Variants in DHX30 observed in about 807,000 individuals in gnomAD.
DHX30 encodes the protein DExH-box helicase 30.
A neutral mutation model predicts 116.9 loss-of-function variants in DHX30; 4 were observed. The ratio of observed to expected loss-of-function variants is 0.03; its 90% CI spans 0.02 to 0.08. The LOEUF is 0.08. Ranked by LOEUF, DHX30 falls within the 10% of genes least tolerant of loss-of-function variation. The pLI is 1.00. For synonymous variants in DHX30, 697 were observed against 651.7 expected, an observed-to-expected ratio of 1.07 and a Z score of -1.06; for missense variants, 871 against 1,595.1, an observed-to-expected ratio of 0.55 and a Z score of 7.73.
At chr3:47,849,593 T>C (rs757651975) in intron 20 of DHX30, 37 bp from the exon 21 acceptor site, 1 of 1,613,988 alleles carries the variant, frequency 6.2e-7, no homozygotes, top group South Asian at 1.1e-5. Context: ...GCTGGGATGG[T>C]CCAAAAGGGT....
intron 5 of DHX30, among the ~76,000 whole-genome samples, chr3:47,827,893 C>T (rs920876608): frequency 3.3e-5 from 5 of 152,068 alleles, no homozygotes; most frequent in Non-Finnish European, 5.9e-5. Context: ...CAGAGTCTCT[C>T]TGTCACCCAG....
At chr3:47,812,638 CCTT>C (rs2035852135) in intron 3 of DHX30, among the ~76,000 whole-genome samples, 1 of 151,474 alleles carries the variant, frequency 6.6e-6, no homozygotes, top group Admixed American at 6.6e-5. Context: ...ATTCTGTGAC[CCTT>C]CAACAGCAGA....
Position 47,848,636 on chromosome 3 carries a change from A to G in DHX30, c.2588A>G (p.Gln863Arg). The G allele has an allele frequency of 1.2e-6, 2 of 1,614,050 alleles. No homozygotes were observed. The highest frequency in any genetic ancestry group is 1.7e-6 in the Non-Finnish European group (2 of 1,179,970). The change falls in exon 17 of 22, where the codon CAG (glutamine) becomes CGG (arginine). Residue 863 changes from glutamine (Q) to arginine (R), a missense_variant. Around this residue, in one of 13 missense-constraint regions of DHX30, gnomAD observed 238 missense variants for 481.0 expected, o/e 0.49. Transcript: ENST00000445061. This position sits in a 1 kb window ranked among gnomAD's most constrained non-coding sequence, Gnocchi z 9.4. ...TGAGCCGTTGCAGGGGTGCTGGACC[A>G]GCGGGAGTACCTGACTACCCTGGGG... ...ILLQEIGVLD[Q>R]REYLTTLGQR...
chr3:47,841,136 C>T lies in DHX30; in HGVS notation c.626C>T (p.Ser209Phe). 6.2e-7 allele frequency: 1 copy of T among 1,614,176 alleles called. No homozygotes were observed. The highest frequency in any genetic ancestry group is 8.5e-7 in the Non-Finnish European group (1 of 1,180,020). The change falls in exon 7 of 22, where the codon TCC becomes TTC. Residue 209 changes from serine (S) to phenylalanine (F), a missense_variant. Ser to Phe is a radical substitution (Grantham distance 155). Transcript: ENST00000445061. ...ACCATAGATGTTACCGACTTCTTGT[C>T]CATGACCCAGCAGGATTCCCACGCT... The part of the protein sequence containing the change: ...EGTIDVTDFL[S>F]MTQQDSHAPL...
In DHX30 at chr3:47,827,489, G is replaced by GGTGGCAAGGAAAAACATTGGT; in HGVS notation, c.255+13_255+33dup. On this transcript the variant is annotated intron_variant, in intron 5 of 21. Transcript: ENST00000445061. ...GACCGAAGAAAAAGGTAACTCTGCTGGTGGCAAGGAAAAACATTGGTATGA... is the reference window on the plus strand; with the variant it reads ...GACCGAAGAAAAAGGTAACTCTGCTGGTGGCAAGGAAAAACATTGGTGTGGCAAGGAAAAACATTGGTATGA... 1 of 1,605,544 alleles carries GGTGGCAAGGAAAAACATTGGT rather than the reference G, an allele frequency of 6.2e-7. No individual in the cohort carries two copies. The highest frequency in any genetic ancestry group is 8.5e-7 in the Non-Finnish European group (1 of 1,177,068).
chr3:47,839,877 G>T (rs2037290393), intron 6 of DHX30, among the ~76,000 whole-genome samples: 1 of 151,230 alleles, frequency 6.6e-6, no homozygotes, highest in South Asian at 2.1e-4. Context: ...GTTTCGCCAT[G>T]TTGGCCAGGC....
intron 6 of DHX30, among the ~76,000 whole-genome samples, chr3:47,833,554 A>AAG (rs1449140966): frequency 6.7e-6 from 1 of 150,046 alleles, no homozygotes; most frequent in Non-Finnish European, 1.5e-5. Context: ...AAAAAAAAAA[A>AAG]AAAAGAAAGA....
rs1016340389 is a variant in DHX30, at chr3:47,847,773, C to T, written c.2111-8C>T. 2 of 1,610,870 alleles carry T rather than the reference C, an allele frequency of 1.2e-6. No homozygotes were observed. Among genetic ancestry groups the T allele is most frequent in the African/African-American group, 2.7e-5 (2 of 74,880 alleles). ...GTGCCCATAACTGGTGTGTGTCTTG[C>T]CCACCAGTGCACTCCAACATCCCCA... On this transcript the variant is annotated splice_polypyrimidine_tract_variant and splice_region_variant and intron_variant, in intron 13 of 21. Transcript: ENST00000445061. This position sits in a 1 kb window ranked among gnomAD's most constrained non-coding sequence, Gnocchi z 5.5.
chr3:47,848,362 G>A lies in DHX30; in HGVS notation c.2469G>A (p.Ala823=), dbSNP rs527867176. Residue 823 remains alanine (A), a synonymous_variant, in exon 15 of 22, where the codon GCG becomes GCA. Coordinates refer to ENST00000445061, the MANE Select transcript of DHX30 (RefSeq NM_138615.3). This position sits in a 1 kb window ranked among gnomAD's most constrained non-coding sequence, Gnocchi z 9.4. ...CTCTTGAGAACCTGGTGCTGCAAGC[G>A]AAAATCCACATGCCTGAGAAGACGG... ...RTPLENLVLQ[A]KIHMPEKTAV... The A allele has an allele frequency of 2.0e-5, 32 of 1,614,138 alleles. 1 individual carries two copies. The South Asian group carries it at 2.3e-4, about 12-fold the overall frequency.
intron 6 of DHX30, among the ~76,000 whole-genome samples, chr3:47,839,961 C>T (rs1354528315): frequency 6.6e-6 from 1 of 151,962 alleles, no homozygotes; most frequent in Non-Finnish European, 1.5e-5. Flanking sequence ...AGGTGTGAGC[C>T]ACTGTGCCCG....
At chr3:47,820,946 TTTTA>T (rs538102799) in intron 4 of DHX30, among the ~76,000 whole-genome samples, 11 of 151,458 alleles carry the variant, frequency 7.3e-5, no homozygotes, top group African/African-American at 2.2e-4. Flanking sequence ...TTCTTTCTAT[TTTTA>T]TTTATTTATT....
chr3:47,832,340 C>G (rs1193746349), intron 6 of DHX30, among the ~76,000 whole-genome samples: 1 of 152,102 alleles, frequency 6.6e-6, no homozygotes, highest in Non-Finnish European at 1.5e-5. Context: ...CCTCTTCCAC[C>G]CTCTAAAACA....
chr3:47,805,592 G>A (rs1264126672), intron 2 of DHX30, among the ~76,000 whole-genome samples, 172 bp downstream of exon 2: 2 of 152,190 alleles, frequency 1.3e-5, no homozygotes, highest in Admixed American at 6.6e-5. Flanking sequence ...AGGCTGGAGT[G>A]CAGTGGCGCG....
Position 47,848,707 on chromosome 3 carries a change from A to C in DHX30, c.2659A>C (p.Ile887Leu). The C allele has an allele frequency of 6.8e-6, 11 of 1,614,118 alleles. No homozygotes were observed. The highest frequency in any genetic ancestry group is 9.3e-6 in the Non-Finnish European group (11 of 1,180,002). The change falls in exon 17 of 22, where the codon ATT (isoleucine) becomes CTT (leucine). Residue 887 changes from isoleucine (I) to leucine (L), a missense_variant. By Grantham distance (5) the Ile-to-Leu change is conservative. This residue lies in a region of DHX30 where 238 missense variants were observed against 481.0 expected (regional missense o/e 0.49). Transcript: ENST00000445061. This position sits in a 1 kb window ranked among gnomAD's most constrained non-coding sequence, Gnocchi z 9.4. Reference sequence around the variant, plus strand: ...CACCGACCCCCGGTTGGCCAAGGCCATTGTGTTGGCTGCCATCTTCCGTTG... The same window carrying C: ...CACCGACCCCCGGTTGGCCAAGGCCCTTGTGTTGGCTGCCATCTTCCGTTG... The part of the protein sequence containing the change: ...ISTDPRLAKA[I>L]VLAAIFRCLH...
At chr3:47,839,047 C>G (rs2037245081) in intron 6 of DHX30, among the ~76,000 whole-genome samples, 1 of 151,286 alleles carries the variant, frequency 6.6e-6, no homozygotes, top group Non-Finnish European at 1.5e-5. Context: ...CTAACTGCCT[C>G]TTATATTCCG....
intron 3 of DHX30, among the ~76,000 whole-genome samples, chr3:47,812,711 T>C (rs2035855883): frequency 6.7e-6 from 1 of 149,558 alleles, no homozygotes; most frequent in Non-Finnish European, 1.5e-5. Context: ...TTGCCCAGGC[T>C]GGAGTGCAGT....
intron 9 of DHX30, among the ~76,000 whole-genome samples, chr3:47,845,327 A>G (rs952068579): frequency 2.0e-5 from 3 of 151,940 alleles, no homozygotes; most frequent in African/African-American, 7.3e-5. Flanking sequence ...AGCTGGGACT[A>G]TAGGTGCCGG....
intron 1 of DHX30, among the ~76,000 whole-genome samples, chr3:47,803,863 A>G (rs533207049): frequency 6.6e-6 from 1 of 152,302 alleles, no homozygotes; most frequent in Admixed American, 6.5e-5. Flanking sequence ...GGGATATGGC[A>G]TATCTAGTCG....
chr3:47,835,146 G>C (rs1294824640), intron 6 of DHX30, among the ~76,000 whole-genome samples: 2 of 151,562 alleles, frequency 1.3e-5, no homozygotes, highest in Non-Finnish European at 2.9e-5. Context: ...TGGGATTACA[G>C]GCATGTGCCA....
Sources: allele counts gnomAD v4.1 joint callset (sites outside exome capture counted in the v4.1 genomes callset), GRCh38; gene constraint gnomAD v4.1.1; regional missense constraint gnomAD v4.1.1; non-coding constraint Gnocchi (gnomAD v3.1); transcripts MANE v1.5; gene names NCBI Gene and HGNC (gene_info 2026-07-23, HGNC 2026-07-21).